MYT1L: variants seen among roughly 807,000 people sequenced by gnomAD.
The protein encoded by MYT1L is myelin transcription factor 1-like protein.
Under a neutral mutation model 126.7 loss-of-function variants are expected in MYT1L, and 12 were observed. That is an observed-to-expected ratio of 0.09 (90% CI 0.06 to 0.15). MYT1L has a LOEUF of 0.15. Among genes scored for constraint, MYT1L ranks in the 10% least tolerant of loss-of-function variants. The pLI, the probability that MYT1L is intolerant of heterozygous loss-of-function variation, is 1.00. For synonymous variants in MYT1L, 541 were observed against 604.2 expected (o/e 0.90, Z 1.53); for missense variants, 979 against 1,585.2 (o/e 0.62, Z 6.49).
rs1304131108 is a variant in MYT1L, at chr2:2,266,940, A to G, written c.-421+17464T>C. The stretch of plus-strand genomic sequence containing the variant: ...TCCATTAAAGCTCTTTCCTTTATAA[A>G]TTACCCAGTCTCGAGCGTCTTCGTT... On this transcript the variant is annotated intron_variant, in intron 2 of 24. Transcript: ENST00000647738. Among the ~76,000 whole-genome samples the G allele has an allele frequency of 2.6e-5, 4 of 152,184 alleles. 1 individual carries two copies. In the East Asian group the frequency reaches 7.7e-4, roughly 29 times the overall value.
rs2052950336 is a variant in MYT1L at position 1,917,100 on chromosome 2, G to A, written c.1618+105C>T. ...TTAAGTAGGGGCCTAGTTAAATCAG[G>A]TCGCACCGAGCCGTACAATGGAGAT... On this transcript the variant is annotated intron_variant, in intron 11 of 24. Coordinates refer to ENST00000647738, the MANE Select transcript of MYT1L (RefSeq NM_001303052.2). This position sits in a 1 kb window ranked among gnomAD's most constrained non-coding sequence, Gnocchi z 5.9. The A allele has an allele frequency of 7.3e-7, 1 of 1,377,338 alleles. No individual in the cohort carries two copies. The highest frequency in any genetic ancestry group is 9.8e-7 in the Non-Finnish European group (1 of 1,018,492). 85.3% of individuals were successfully genotyped at this position (1,377,338 alleles called of 1,614,324 possible).
chr2:2,259,757 G>A (rs2094915648), intron 2 of MYT1L, among the ~76,000 whole-genome samples: 1 of 152,160 alleles, frequency 6.6e-6, no homozygotes, highest in South Asian at 2.1e-4. Flanking sequence ...GACGGCAGAT[G>A]GGCTTCAGGA....
intron 4 of MYT1L, among the ~76,000 whole-genome samples, chr2:2,012,126 T>A (rs112744605): frequency 0.012 from 1,757 of 152,340 alleles, 13 homozygotes; most frequent in Non-Finnish European, 0.02. Flanking sequence ...AAAGACTGTA[T>A]ATGTTTACTG....
intron 5 of MYT1L, among the ~76,000 whole-genome samples, chr2:1,988,629 T>G (rs888579657): frequency 6.6e-6 from 1 of 152,252 alleles, no homozygotes; most frequent in Non-Finnish European, 1.5e-5. Context: ...ATCACCTTTA[T>G]GAATCTGAGT....
chr2:1,978,066 T>C (rs1481210998), intron 8 of MYT1L, among the ~76,000 whole-genome samples: 1 of 152,204 alleles, frequency 6.6e-6, no homozygotes, highest in Non-Finnish European at 1.5e-5. Flanking sequence ...GGGTCTCTCA[T>C]TAGACATTCT....
intron 8 of MYT1L, among the ~76,000 whole-genome samples, chr2:1,972,182 C>T (rs1311100201): frequency 6.6e-6 from 1 of 152,134 alleles, no homozygotes. Flanking sequence ...ATAAATATCC[C>T]ACAGTGTACC....
intron 3 of MYT1L, among the ~76,000 whole-genome samples, chr2:2,169,324 T>C (rs1417488122): frequency 6.6e-6 from 1 of 152,208 alleles, no homozygotes; most frequent in African/African-American, 2.4e-5. Flanking sequence ...CTTTTGGCTT[T>C]TTCTGTAATA....
chr2:2,206,707 A>G (rs1430429999), intron 2 of MYT1L, among the ~76,000 whole-genome samples: 1 of 152,256 alleles, frequency 6.6e-6, no homozygotes, highest in Non-Finnish European at 1.5e-5. Context: ...TGTGAAAGTC[A>G]TCCTCCATAA....
chr2:2,068,655 A>C (rs1290554192), intron 3 of MYT1L, among the ~76,000 whole-genome samples: 1 of 151,908 alleles, frequency 6.6e-6, no homozygotes, highest in Non-Finnish European at 1.5e-5. Context: ...ATCTATAATG[A>C]CACAAAATCA....
intron 1 of MYT1L, among the ~76,000 whole-genome samples, chr2:2,290,031 G>A (rs1353720413): frequency 6.6e-6 from 1 of 152,214 alleles, no homozygotes; most frequent in Non-Finnish European, 1.5e-5. Flanking sequence ...GGGAGTCTGG[G>A]TATTTATGTT....
At chr2:1,833,161 A>C (rs1420697596) in intron 21 of MYT1L, among the ~76,000 whole-genome samples, 1 of 152,162 alleles carries the variant, frequency 6.6e-6, no homozygotes, top group East Asian at 1.9e-4. Context: ...AGTGTCCCCC[A>C]CAGTGTGTGC....
At chr2:2,240,293 C>CTAAATAAATAAATAAA (rs532182932) in intron 2 of MYT1L, among the ~76,000 whole-genome samples, 1 of 151,724 alleles carries the variant, frequency 6.6e-6, no homozygotes, top group African/African-American at 2.4e-5. Flanking sequence ...AACTCCGTCT[C>CTAAATAAATAAATAAA]TAAATAAATA....
intron 3 of MYT1L, among the ~76,000 whole-genome samples, chr2:2,073,640 G>A (rs1351446817): frequency 6.6e-6 from 1 of 152,082 alleles, no homozygotes. Context: ...GGCATTTCTC[G>A]CCTCCGCATC....
At chr2:2,306,468 T>C (rs1005421620) in intron 1 of MYT1L, among the ~76,000 whole-genome samples, 4 of 152,266 alleles carry the variant, frequency 2.6e-5, no homozygotes, top group East Asian at 3.9e-4. Context: ...TTCCACATCA[T>C]TGTCACAGTA....
intron 14 of MYT1L, among the ~76,000 whole-genome samples, chr2:1,898,658 C>G (rs1031026460): frequency 6.6e-6 from 1 of 152,232 alleles, no homozygotes; most frequent in African/African-American, 2.4e-5. Flanking sequence ...GTGACACAGC[C>G]ATGCTGCAGG....
At position 1,943,233 on chromosome 2, in the gene MYT1L, G is replaced by A; in HGVS notation, c.254C>T (p.Ser85Phe). 1 of 1,553,480 alleles carries A rather than the reference G, an allele frequency of 6.4e-7. No individual in the cohort carries two copies. The highest frequency in any genetic ancestry group is 8.7e-7 in the Non-Finnish European group (1 of 1,147,854). ...RKPFAVKADS[S>F]SVDECDDSDG... is the part of the protein sequence containing the mutation. ...ACTGTCGTCACACTCATCCACTGAG[G>A]AGCTGTCTGCTTTCACGGCAAATGG... The change falls in exon 9 of 25, where the codon TCC (serine) becomes TTC (phenylalanine). Residue 85 changes from serine (S) to phenylalanine (F), a missense_variant. Physicochemically the swap from Ser to Phe is radical, Grantham distance 155. This residue lies in a region of MYT1L where 111 missense variants were observed against 115.9 expected (regional missense o/e 0.96). Coordinates refer to ENST00000647738, the MANE Select transcript of MYT1L (RefSeq NM_001303052.2). This position sits in a 1 kb window ranked among gnomAD's most constrained non-coding sequence, Gnocchi z 4.4.
rs1313157344 is a variant in MYT1L, at chr2:1,801,416, A to C, written c.3276+280T>G. On this transcript the variant is annotated intron_variant, in intron 23 of 24. Coordinates refer to ENST00000647738, the MANE Select transcript of MYT1L (RefSeq NM_001303052.2). The surrounding 1 kb of genome is among the most constrained non-coding windows in gnomAD (Gnocchi z 4.2). ...AAGGAAAACCTTCATTGTTTGCAGG[A>C]ACAGGCGATCCTCTGAAAATGCCTA... 3.1e-6 allele frequency: 1 copy of C among 321,714 alleles called. No homozygotes were observed. The allele number at this position is 321,714 out of a possible 1,614,324, so 19.9% of individuals were successfully genotyped here. A position where few individuals can be genotyped will look rare whatever the true frequency, so the allele number is the denominator to read the frequency against.
chr2:2,133,729 C>T (rs2082674605), intron 3 of MYT1L, among the ~76,000 whole-genome samples: 1 of 152,120 alleles, frequency 6.6e-6, no homozygotes, highest in East Asian at 1.9e-4. Flanking sequence ...AACATGTCCC[C>T]GTCTAAAGGT....
At chr2:1,988,803 A>C (rs561954885) in intron 5 of MYT1L, among the ~76,000 whole-genome samples, 1 of 152,360 alleles carries the variant, frequency 6.6e-6, no homozygotes, top group Admixed American at 6.5e-5. Context: ...TGCTGTGATT[A>C]CAGGCATGAG....
Sources: allele counts gnomAD v4.1 joint callset (sites outside exome capture counted in the v4.1 genomes callset), GRCh38; gene constraint gnomAD v4.1.1; regional missense constraint gnomAD v4.1.1; non-coding constraint Gnocchi (gnomAD v3.1); transcripts MANE v1.5; gene names NCBI Gene and HGNC (gene_info 2026-07-23, HGNC 2026-07-21).